Variants in STAU2 observed in about 807,000 individuals in gnomAD.
STAU2 encodes the protein double-stranded RNA-binding protein Staufen homolog 2.
A neutral mutation model predicts 65.9 loss-of-function variants in STAU2; 20 were observed. The ratio of observed to expected loss-of-function variants is 0.30; its 90% CI spans 0.21 to 0.44. The LOEUF is 0.44. Among genes scored for constraint, STAU2 ranks in the 20% least tolerant of loss-of-function variants. The pLI is 1.00. For synonymous variants in STAU2, 232 were observed against 233.9 expected (o/e 0.99, Z 0.07); for missense variants, 558 against 683.9 (o/e 0.82, Z 2.05).
chr8:73,472,108 G>C lies in STAU2; in HGVS notation c.1531-49406C>G, dbSNP rs564960536. 8.5e-5 allele frequency among the ~76,000 whole-genome samples: 13 copies of C among 152,296 alleles called. No individual in the cohort carries two copies. In the South Asian group the frequency reaches 2.7e-3, roughly 32 times the overall value. On this transcript the variant is annotated intron_variant, in intron 13 of 14. Transcript: ENST00000524300. The stretch of plus-strand genomic sequence containing the variant: ...CTTTCATCAGTGTGTGGTGTGATAG[G>C]ACAGGGCGGTAGTGTACTAGAATTG...
rs1375445000 is a variant in STAU2, at chr8:73,741,040, T to C, written c.-196-1172A>G. 5.1e-5 allele frequency among the ~76,000 whole-genome samples: 7 copies of C among 138,118 alleles called. No homozygotes were observed. In the Admixed American group the frequency reaches 5.4e-4, roughly 11 times the overall value. 90.6% of individuals were successfully genotyped at this position (138,118 alleles called of 152,430 possible). ...AAAAAAAAAGGCCAGGCGCAGTGGC[T>C]CACGCCTGTAATCCCAGCACTTTGG... On this transcript the variant is annotated intron_variant, in intron 1 of 14. Transcript: ENST00000524300.
At chr8:73,589,008 A>G (rs1810578787) in intron 11 of STAU2, among the ~76,000 whole-genome samples, 1 of 152,196 alleles carries the variant, frequency 6.6e-6, no homozygotes, top group African/African-American at 2.4e-5. Flanking sequence ...GAGCCTGAAG[A>G]GAGATAACCC....
At chr8:73,479,025 T>C (rs996978723) in intron 13 of STAU2, among the ~76,000 whole-genome samples, 1 of 152,130 alleles carries the variant, frequency 6.6e-6, no homozygotes, top group Non-Finnish European at 1.5e-5. Flanking sequence ...TGAACCTCCA[T>C]GAACCCATGC....
At chr8:73,595,870 T>C (rs1811143590) in intron 10 of STAU2, among the ~76,000 whole-genome samples, 1 of 152,088 alleles carries the variant, frequency 6.6e-6, no homozygotes, top group East Asian at 1.9e-4. Context: ...TAATCCCACT[T>C]TGGGAGGCCA....
chr8:73,588,589 G>A (rs1001808283), intron 11 of STAU2, among the ~76,000 whole-genome samples: 6 of 152,150 alleles, frequency 3.9e-5, no homozygotes, highest in African/African-American at 1.2e-4. Context: ...GCCACCGGGG[G>A]AAGGGTAGAA....
At chr8:73,434,955 A>G (rs912227193) in intron 13 of STAU2, among the ~76,000 whole-genome samples, 1 of 151,806 alleles carries the variant, frequency 6.6e-6, no homozygotes, top group Non-Finnish European at 1.5e-5. Context: ...GGCTGGCCCC[A>G]TTCTACCTCA....
chr8:73,515,773 CTTTTTTTT>C (rs75132374), intron 13 of STAU2, among the ~76,000 whole-genome samples: 159 of 90,926 alleles, frequency 1.7e-3, no homozygotes, highest in African/African-American at 5.7e-3. Flanking sequence ...AAAAATTTCT[CTTTTTTTT>C]TTTTTTTTTT....
At chr8:73,691,612 T>C (rs1248004071) in intron 4 of STAU2, among the ~76,000 whole-genome samples, 1 of 152,042 alleles carries the variant, frequency 6.6e-6, no homozygotes, top group South Asian at 2.1e-4. Context: ...TGCACCAATG[T>C]CTTTATACTA....
chr8:73,512,183 A>T (rs1026360651), intron 13 of STAU2, among the ~76,000 whole-genome samples: 1 of 152,180 alleles, frequency 6.6e-6, no homozygotes, highest in Admixed American at 6.5e-5. Context: ...AGTAGTGTAA[A>T]TGTTTCAATT....
intron 5 of STAU2, among the ~76,000 whole-genome samples, chr8:73,686,050 A>G (rs1563505457): frequency 6.6e-6 from 1 of 152,246 alleles, no homozygotes; most frequent in Non-Finnish European, 1.5e-5. Context: ...AAAGTCACAC[A>G]GGAATGGAAA....
chr8:73,547,172 TTG>T (rs1413409081), intron 13 of STAU2, among the ~76,000 whole-genome samples: 1 of 152,202 alleles, frequency 6.6e-6, no homozygotes, highest in Non-Finnish European at 1.5e-5. Flanking sequence ...TTGAACTATC[TTG>T]TGTGTCTTAC....
chr8:73,740,772 G>A (rs909199050), intron 1 of STAU2, among the ~76,000 whole-genome samples: 2 of 152,086 alleles, frequency 1.3e-5, no homozygotes, highest in Admixed American at 6.5e-5. Context: ...AGGCCGAGGT[G>A]GGGGGATCAC....
intron 6 of STAU2, among the ~76,000 whole-genome samples, chr8:73,644,385 C>T (rs905917823): frequency 1.3e-5 from 2 of 151,072 alleles, no homozygotes; most frequent in African/African-American, 2.4e-5. Context: ...TTTGGGGCTG[C>T]AGTGAACTAT....
intron 11 of STAU2, among the ~76,000 whole-genome samples, chr8:73,583,745 G>C (rs1810166662): frequency 6.6e-6 from 1 of 152,088 alleles, no homozygotes; most frequent in Admixed American, 6.6e-5. Flanking sequence ...AGCAAACTAA[G>C]TCCTAACTTT....
chr8:73,481,530 A>C (rs1021229779), intron 13 of STAU2, among the ~76,000 whole-genome samples: 10 of 146,946 alleles, frequency 6.8e-5, no homozygotes, highest in South Asian at 2.2e-4. Context: ...AAAAAAAAAC[A>C]CTTTTTTTGA....
chr8:73,615,776 C>G lies in STAU2; in HGVS notation c.577G>C (p.Glu193Gln). The G allele has an allele frequency of 6.2e-7, 1 of 1,609,396 alleles. No homozygotes were observed. Among genetic ancestry groups the G allele is most frequent in the Non-Finnish European group, 8.5e-7 (1 of 1,176,866 alleles). Residue 193 changes from glutamate to glutamine, a missense_variant, in exon 8 of 15, where the codon GAA becomes CAA. Coordinates refer to ENST00000524300, the MANE Select transcript of STAU2 (RefSeq NM_001164380.2). ...PIPERSPQNG[E>Q]SGKDVDDDKD... ...TCATCATCCACATCCTTTCCTGATT[C>G]ACCATTCTAAATCACAAAAAATAGG...
intron 13 of STAU2, among the ~76,000 whole-genome samples, chr8:73,442,078 G>T (rs190103849): frequency 6.6e-6 from 1 of 152,266 alleles, no homozygotes; most frequent in Non-Finnish European, 1.5e-5. Flanking sequence ...ATTTAGGCCA[G>T]GCGCAGTGGC....
chr8:73,575,029 GTCAT>G (rs1294354321), intron 12 of STAU2, among the ~76,000 whole-genome samples: 1 of 150,768 alleles, frequency 6.6e-6, no homozygotes, highest in Non-Finnish European at 1.5e-5. Flanking sequence ...ATTTTAAAAT[GTCAT>G]TCAAATATAT....
At chr8:73,687,671 A>T (rs1316330397) in intron 5 of STAU2, among the ~76,000 whole-genome samples, 2 of 149,616 alleles carry the variant, frequency 1.3e-5, no homozygotes, top group African/African-American at 4.9e-5. Flanking sequence ...CCAAAGTGCT[A>T]GGATTACAGG....
Sources: gnomAD v4.1 joint callset for allele counts (sites outside exome capture counted in the v4.1 genomes callset) on GRCh38, gnomAD v4.1.1 for gene constraint, MANE v1.5 for transcripts, NCBI Gene and HGNC (gene_info 2026-07-23, HGNC 2026-07-21) for gene names.